JAK1: variants seen among roughly 807,000 people sequenced by gnomAD.
JAK1 encodes the protein tyrosine-protein kinase JAK1.
JAK1 carries 16 observed loss-of-function variants against 136.6 expected under a neutral mutation model. That is an observed-to-expected ratio of 0.12 (90% CI 0.08 to 0.18). The LOEUF (loss-of-function observed/expected upper bound fraction) is 0.18. Ranked by LOEUF, JAK1 falls within the 10% of genes least tolerant of loss-of-function variation. JAK1 has a pLI of 1.00. For synonymous variants in JAK1, 492 were observed against 519.5 expected, an observed-to-expected ratio of 0.95 and a Z score of 0.72; for missense variants, 859 against 1,450.1, an observed-to-expected ratio of 0.59 and a Z score of 6.62.
rs150518746 is a variant in JAK1 at position 65,052,651 on chromosome 1, A to G, written c.-180-8069T>C. Among the ~76,000 whole-genome samples the G allele has an allele frequency of 8.1e-3, 1,239 of 152,106 alleles. 16 individuals are homozygous for G. Among genetic ancestry groups the G allele is most frequent in the African/African-American group, 0.026 (1,059 of 41,502 alleles). On this transcript the variant is annotated intron_variant, in intron 1 of 25. Transcript: ENST00000671954. Reference sequence around the variant, plus strand: ...ACACGATGAAATCCCATCTCTACTAAAAATACAAAAAACTTAGCCGGGTGT... The same window carrying G: ...ACACGATGAAATCCCATCTCTACTAGAAATACAAAAAACTTAGCCGGGTGT...
chr1:64,994,855 TA>T (rs1646689657), intron 2 of JAK1: 1 of 151,250 alleles, frequency 6.6e-6, no homozygotes, highest in African/African-American at 2.4e-5. Context: ...GCAACTCTCA[TA>T]ATCAGTCTCT....
intron 1 of JAK1, among the ~76,000 whole-genome samples, chr1:65,052,098 A>G (rs1647304614): frequency 6.8e-6 from 1 of 147,640 alleles, no homozygotes; most frequent in African/African-American, 2.5e-5. Context: ...GACTACAAGC[A>G]TGCACCACCA....
chr1:64,998,170 G>A (rs894872169), intron 2 of JAK1, among the ~76,000 whole-genome samples: 3 of 152,142 alleles, frequency 2.0e-5, no homozygotes, highest in Non-Finnish European at 4.4e-5. Context: ...ATATGAAAGA[G>A]AGATTACAAG....
At chr1:65,036,817 T>C (rs539657369) in intron 2 of JAK1, among the ~76,000 whole-genome samples, 2 of 152,342 alleles carry the variant, frequency 1.3e-5, no homozygotes, top group African/African-American at 4.8e-5. Context: ...TATGTAATCA[T>C]TACAGTACAT....
At chr1:64,930,735 C>T (rs1645675723) in intron 1 of JAK1, among the ~76,000 whole-genome samples, 2 of 152,166 alleles carry the variant, frequency 1.3e-5, no homozygotes, top group Non-Finnish European at 1.5e-5. Context: ...ATAGCAAATA[C>T]TTGGATCCAA....
At chr1:64,909,377 GGAAAGGAAACTAGCTTGT>G (rs1487633913) in intron 1 of JAK1, among the ~76,000 whole-genome samples, 1 of 152,084 alleles carries the variant, frequency 6.6e-6, no homozygotes, top group Non-Finnish European at 1.5e-5. Flanking sequence ...CAGATGATGT[GGAAAGGAAACTAGCTTGT>G]GATCAAAGGT....
chr1:65,053,408 C>T (rs1344682366), intron 1 of JAK1, among the ~76,000 whole-genome samples: 2 of 151,850 alleles, frequency 1.3e-5, no homozygotes, highest in Non-Finnish European at 1.5e-5. Context: ...GAATAGAATG[C>T]ACCTGTAAAT....
chr1:65,043,727 CTTGT>C (rs1245283351), intron 2 of JAK1, among the ~76,000 whole-genome samples: 2 of 63,334 alleles, frequency 3.2e-5, no homozygotes, highest in African/African-American at 1.2e-4. Context: ...TTTTTTTTTG[CTTGT>C]TTGTTTGTTT....
chr1:64,974,943 C>T (rs1268428308), intron 2 of JAK1, among the ~76,000 whole-genome samples: 1 of 151,926 alleles, frequency 6.6e-6, no homozygotes, highest in Non-Finnish European at 1.5e-5. Context: ...GAGTTTCACC[C>T]TTATTGCCCA....
chr1:64,843,471 G>A (rs1655036163), intron 17 of JAK1, among the ~76,000 whole-genome samples: 2 of 152,196 alleles, frequency 1.3e-5, no homozygotes, highest in South Asian at 4.1e-4. Flanking sequence ...CCAGGTAAGT[G>A]GGGCTACCTG....
intron 1 of JAK1, among the ~76,000 whole-genome samples, chr1:64,932,283 C>T (rs1645709301): frequency 6.6e-6 from 1 of 152,092 alleles, no homozygotes; most frequent in African/African-American, 2.4e-5. Context: ...TGTGGTGGCA[C>T]ATGCCTGTAA....
chr1:64,913,178 C>G (rs912819743), intron 1 of JAK1, among the ~76,000 whole-genome samples: 7 of 152,178 alleles, frequency 4.6e-5, no homozygotes, highest in Admixed American at 1.3e-4. Flanking sequence ...TGCACACCAT[C>G]ACGCCTGGCT....
intron 2 of JAK1, chr1:64,979,537 T>G (rs940469970): frequency 2.6e-5 from 4 of 152,238 alleles, no homozygotes; most frequent in African/African-American, 9.6e-5. Flanking sequence ...CATCCAACAC[T>G]TTAAGTCAAT....
At chr1:64,935,642 T>C (rs544881582) in intron 1 of JAK1, among the ~76,000 whole-genome samples, 6 of 152,212 alleles carry the variant, frequency 3.9e-5, no homozygotes, top group Non-Finnish European at 8.8e-5. Context: ...ACCTGTCCTC[T>C]TTCCTCCTAC....
chr1:64,908,825 T>C (rs935126787), intron 1 of JAK1, among the ~76,000 whole-genome samples: 1 of 152,032 alleles, frequency 6.6e-6, no homozygotes, highest in African/African-American at 2.4e-5. Flanking sequence ...TAGGAGAAAC[T>C]GTATAATTAG....
chr1:65,001,796 G>T (rs1279711033), intron 2 of JAK1, among the ~76,000 whole-genome samples: 1 of 151,782 alleles, frequency 6.6e-6, no homozygotes, highest in Non-Finnish European at 1.5e-5. Flanking sequence ...AGGGGTAGCA[G>T]GAACCCTAGC....
At chr1:64,868,739 GA>G (rs1243615826) in intron 6 of JAK1, among the ~76,000 whole-genome samples, 7 of 151,958 alleles carry the variant, frequency 4.6e-5, no homozygotes, top group African/African-American at 1.7e-4. Flanking sequence ...GCCCACTGGT[GA>G]AAAAAAACTA....
intron 2 of JAK1, among the ~76,000 whole-genome samples, chr1:65,027,548 T>A (rs1646988528): frequency 6.6e-6 from 1 of 152,082 alleles, no homozygotes. Context: ...GTGAAAGCAC[T>A]GGGTTGTAAT....
intron 5 of JAK1, among the ~76,000 whole-genome samples, chr1:64,872,767 TA>T (rs1326831995): frequency 2.6e-5 from 4 of 152,166 alleles, no homozygotes. Context: ...ATCAGATGAA[TA>T]AAAAAGCAGT....
Sources: gnomAD v4.1 joint callset for allele counts (sites outside exome capture counted in the v4.1 genomes callset) on GRCh38, gnomAD v4.1.1 for gene constraint, MANE v1.5 for transcripts, NCBI Gene and HGNC (gene_info 2026-07-23, HGNC 2026-07-21) for gene names.